TMEM14C: variants seen among roughly 807,000 people sequenced by gnomAD.
The protein encoded by TMEM14C is chromosome 6 open reading frame 53.
TMEM14C carries 13 observed loss-of-function variants against 14.8 expected under a neutral mutation model. That is an observed-to-expected ratio of 0.88 (90% CI 0.57 to 1.40). The LOEUF is 1.40. TMEM14C is among the 40% of genes most tolerant of loss of function. The pLI, the probability that TMEM14C is intolerant of heterozygous loss-of-function variation, is 0.00. For synonymous variants in TMEM14C, 57 were observed against 51.3 expected (o/e 1.11, Z -0.48); for missense variants, 142 against 138.8 (o/e 1.02, Z -0.12).
intron 5 of TMEM14C, 113 bp downstream of exon 5, chr6:10,728,840 T>A (rs747778654): frequency 1.3e-6 from 2 of 1,560,576 alleles, no homozygotes; most frequent in African/African-American, 2.7e-5. Context: ...ATGTATCAAC[T>A]GACATTTGAT....
intron 1 of TMEM14C, 169 bp from the exon 2 acceptor site, chr6:10,724,401 T>G (rs1770793189): frequency 3.4e-6 from 2 of 582,972 alleles, no homozygotes; most frequent in Non-Finnish European, 6.1e-6. Flanking sequence ...ACATGTGACA[T>G]CCATTGAATG....
rs912234962 is a variant in TMEM14C, at chr6:10,725,838, G to A, written c.98-69G>A. The A allele has an allele frequency of 1.9e-6, 3 of 1,596,112 alleles. No homozygotes were observed. The African/African-American group carries it at 4.0e-5, about 21-fold the overall frequency. ...TGCTGTCCTCCTTTGTAGGGCAGCGGTCTGGGGGATTCCGTTAGTGAAATA... is the reference window on the plus strand; with the variant it reads ...TGCTGTCCTCCTTTGTAGGGCAGCGATCTGGGGGATTCCGTTAGTGAAATA... On this transcript the variant is annotated intron_variant, in intron 3 of 5. Coordinates refer to ENST00000229563, the MANE Select transcript of TMEM14C (RefSeq NM_016462.4).
intron 2 of TMEM14C, 92 bp downstream of exon 2, chr6:10,724,725 C>T (rs1770805131): frequency 1.4e-6 from 2 of 1,414,300 alleles, no homozygotes; most frequent in South Asian, 1.2e-5. Context: ...AGTAGACTGC[C>T]TGGGATGGCA....
At position 10,730,908 on chromosome 6, in the gene TMEM14C, T is replaced by A; in HGVS notation, c.*242T>A. 1 of 1,138,366 alleles carries A rather than the reference T, an allele frequency of 8.8e-7. No homozygotes were observed. Among genetic ancestry groups the A allele is most frequent in the Non-Finnish European group, 1.1e-6 (1 of 927,332 alleles). 70.5% of individuals were successfully genotyped at this position (1,138,366 alleles called of 1,614,324 possible). Reference sequence around the variant, plus strand: ...AGAGCTTGATTCTTGTATATTGATGTTGTCTTTTCTTTCTGTATCTGTAGG... The same window carrying A: ...AGAGCTTGATTCTTGTATATTGATGATGTCTTTTCTTTCTGTATCTGTAGG... On this transcript the variant is annotated 3_prime_UTR_variant, in exon 6 of 6. Coordinates refer to ENST00000229563, the MANE Select transcript of TMEM14C (RefSeq NM_016462.4).
At position 10,728,645 on chromosome 6, in the gene TMEM14C, T is replaced by C. The variant is rs1356514350; in HGVS notation, c.205T>C (p.Ser69Pro). ...PRNVWVFLATSGTLAGIMGMR... is the reference protein window; with the variant it reads ...PRNVWVFLATPGTLAGIMGMR... The stretch of plus-strand genomic sequence containing the variant: ...CTTTATATGTTTTTCATCAGCTACA[T>C]CTGGTACCTTGGCTGGCATTATGGG... The change falls in exon 5 of 6, where the codon TCT becomes CCT. Residue 69 changes from serine (S) to proline (P), a missense_variant. Physicochemically the swap from Ser to Pro is moderately conservative, Grantham distance 74 (BLOSUM62 -1). Transcript: ENST00000229563. 6.2e-7 allele frequency: 1 copy of C among 1,614,112 alleles called. No individual in the cohort carries two copies. Among genetic ancestry groups the C allele is most frequent in the South Asian group, 1.1e-5 (1 of 91,070 alleles).
intron 5 of TMEM14C, chr6:10,728,955 T>C: frequency 9.6e-7 from 1 of 1,036,492 alleles, no homozygotes; most frequent in South Asian, 1.6e-5. Flanking sequence ...CATATTTGCT[T>C]TCCAGTCCAT....
At chr6:10,726,302 C>G (rs924434212) in intron 4 of TMEM14C, among the ~76,000 whole-genome samples, 5 of 152,224 alleles carry the variant, frequency 3.3e-5, no homozygotes, top group Admixed American at 3.3e-4. Flanking sequence ...AGGTTGCCCA[C>G]TGAAGACCTT....
At chr6:10,730,115 T>C (rs1770983458) in intron 5 of TMEM14C, among the ~76,000 whole-genome samples, 2 of 151,842 alleles carry the variant, frequency 1.3e-5, no homozygotes, top group African/African-American at 4.8e-5. Context: ...AAAATAAAAA[T>C]AAAAAACCTT....
In TMEM14C at chr6:10,723,236, A is replaced by G. The variant is rs1770738295; in HGVS notation, c.-50A>G. On this transcript the variant is annotated 5_prime_UTR_variant, in exon 1 of 6. Coordinates refer to ENST00000229563, the MANE Select transcript of TMEM14C (RefSeq NM_016462.4). ...CTTGTAGACAGCCGGGGCCTTCGTG[A>G]GACCGGTGCGAGTATTTGGGGATTA... The G allele has an allele frequency of 6.6e-6, 1 of 152,270 alleles. No homozygotes were observed. Among genetic ancestry groups the G allele is most frequent in the African/African-American group, 2.4e-5 (1 of 41,472 alleles). 9.4% of individuals were successfully genotyped at this position (152,270 alleles called of 1,614,324 possible).
chr6:10,724,486 G>A (rs774607786), intron 1 of TMEM14C, 84 bp from the exon 2 acceptor site: 33 of 850,942 alleles, frequency 3.9e-5, no homozygotes, highest in South Asian at 1.8e-4. Flanking sequence ...CTTAGGTTGC[G>A]TAGCTTGCAG....
chr6:10,724,574 A>G lies in TMEM14C; in HGVS notation c.-40A>G. 1.2e-6 allele frequency: 2 copies of G among 1,611,092 alleles called. No homozygotes were observed. Among genetic ancestry groups the G allele is most frequent in the Non-Finnish European group, 8.5e-7 (1 of 1,178,196 alleles). ...GATCCAGCTTGTTTTCTGCAGGTGC[A>G]GGCCTGGGGTAGTCTCCTGTCTGGA... is the stretch of plus-strand genomic sequence containing the variant. On this transcript the variant is annotated 5_prime_UTR_variant, in exon 2 of 6. Coordinates refer to ENST00000229563, the MANE Select transcript of TMEM14C (RefSeq NM_016462.4).
chr6:10,723,456 C>T (rs1197033786), intron 1 of TMEM14C, among the ~76,000 whole-genome samples: 1 of 152,140 alleles, frequency 6.6e-6, no homozygotes, highest in African/African-American at 2.4e-5. Context: ...ACCCATGTAG[C>T]ATAGTGTTGC....
chr6:10,723,673 C>T (rs527907564), intron 1 of TMEM14C, among the ~76,000 whole-genome samples: 2 of 146,752 alleles, frequency 1.4e-5, no homozygotes, highest in South Asian at 4.3e-4. Flanking sequence ...GAATATGTCT[C>T]ATTGCAGCCT....
At position 10,725,789 on chromosome 6, in the gene TMEM14C, A is replaced by G. The variant is rs143874890; in HGVS notation, c.98-118A>G. ...CTTCCTGCTTGAGTCCACCTTGGCT[A>G]TGAGCTGTGTTGAGAGTTCTCTGTG... On this transcript the variant is annotated intron_variant, in intron 3 of 5. Coordinates refer to ENST00000229563, the MANE Select transcript of TMEM14C (RefSeq NM_016462.4). The G allele has an allele frequency of 1.6e-3, 1,994 of 1,235,228 alleles. 27 individuals carry two copies. The African/African-American group carries it at 0.026, about 16-fold the overall frequency. 76.5% of individuals were successfully genotyped at this position (1,235,228 alleles called of 1,614,324 possible). A position where few individuals can be genotyped will look rare whatever the true frequency, so the allele number is the denominator to read the frequency against.
chr6:10,730,509 C>T, intron 5 of TMEM14C, 106 bp from the exon 6 acceptor site: 2 of 1,109,338 alleles, frequency 1.8e-6, no homozygotes, highest in South Asian at 3.3e-5. Flanking sequence ...GCCTTAGTAC[C>T]TCCTCCCCCA....
At chr6:10,727,393 G>T (rs1005632245) in intron 4 of TMEM14C, among the ~76,000 whole-genome samples, 2 of 152,062 alleles carry the variant, frequency 1.3e-5, no homozygotes, top group African/African-American at 4.8e-5. Context: ...AGGCCAGAGT[G>T]TAGTGGCACA....
chr6:10,723,594 C>CTTTTTT (rs34904534), intron 1 of TMEM14C, among the ~76,000 whole-genome samples: 13 of 118,676 alleles, frequency 1.1e-4, no homozygotes, highest in African/African-American at 3.1e-4. Flanking sequence ...AAACTTAATT[C>CTTTTTT]TTTTTTTTTT....
At chr6:10,730,535 C>A in intron 5 of TMEM14C, 80 bp from the exon 6 acceptor site, 1 of 1,396,404 alleles carries the variant, frequency 7.2e-7, no homozygotes, top group Non-Finnish European at 1.0e-6. Context: ...TTGTGAGGAA[C>A]CAGCAGTTTA....
At position 10,728,652 on chromosome 6, in the gene TMEM14C, C is replaced by T. The variant is rs759715552; in HGVS notation, c.212C>T (p.Thr71Ile). 6 of 1,613,990 alleles carry T rather than the reference C, an allele frequency of 3.7e-6. No homozygotes were observed. Among genetic ancestry groups the T allele is most frequent in the Non-Finnish European group, 5.1e-6 (6 of 1,180,024 alleles). The stretch of plus-strand genomic sequence containing the variant: ...TGTTTTTCATCAGCTACATCTGGTA[C>T]CTTGGCTGGCATTATGGGAATGAGG... ...NVWVFLATSG[T>I]LAGIMGMRFY... is the part of the protein sequence containing the mutation. Residue 71 changes from threonine to isoleucine, a missense_variant, in exon 5 of 6, where the codon ACC (threonine) becomes ATC (isoleucine). Coordinates refer to ENST00000229563, the MANE Select transcript of TMEM14C (RefSeq NM_016462.4).
Sources: allele counts gnomAD v4.1 joint callset (sites outside exome capture counted in the v4.1 genomes callset), GRCh38; gene constraint gnomAD v4.1.1; transcripts MANE v1.5; gene names NCBI Gene and HGNC (gene_info 2026-07-23, HGNC 2026-07-21).